The following PLXDC2 variants were observed in gnomAD, a reference collection of about 807,000 sequenced individuals.
PLXDC2 encodes plexin domain-containing protein 2.
In PLXDC2, 40 loss-of-function variants were observed where a neutral mutation model predicts 68.9. That is an observed-to-expected ratio of 0.58 (90% CI 0.45 to 0.76). The LOEUF (loss-of-function observed/expected upper bound fraction) is 0.76, where lower values mean the gene tolerates loss of function less well. Among genes scored for constraint, PLXDC2 ranks in the 30% least tolerant of loss-of-function variants. PLXDC2 has a pLI of 0.00. For missense variants in PLXDC2, 644 were observed against 661.9 expected, an observed-to-expected ratio of 0.97 and a Z score of 0.30; for synonymous variants, 243 against 234.2, an observed-to-expected ratio of 1.04 and a Z score of -0.34.
At chr10:20,058,698 C>G (rs969915479) in intron 3 of PLXDC2, among the ~76,000 whole-genome samples, 6 of 152,248 alleles carry the variant, frequency 3.9e-5, no homozygotes, top group African/African-American at 1.4e-4. Flanking sequence ...ACGATAAACA[C>G]AAAATATTTT....
At chr10:20,002,184 G>A (rs768654) in intron 2 of PLXDC2, among the ~76,000 whole-genome samples, 198 bp downstream of exon 2, 34,945 of 151,764 alleles carry the variant, frequency 0.23, 4,801 homozygotes, top group Non-Finnish European at 0.33. Context: ...GACAAACACA[G>A]GCTTGGTGTG....
At chr10:19,861,083 G>A (rs895670820) in intron 1 of PLXDC2, among the ~76,000 whole-genome samples, 24 of 150,938 alleles carry the variant, frequency 1.6e-4, no homozygotes, top group African/African-American at 5.4e-4. Flanking sequence ...CTCTCAGGCT[G>A]GAGTACAGTG....
At position 19,816,999 on chromosome 10, in the gene PLXDC2, C is replaced by T. The variant is rs1053445539; in HGVS notation, c.-81C>T. 5.8e-6 allele frequency: 6 copies of T among 1,042,368 alleles called. No individual in the cohort carries two copies. The highest frequency in any genetic ancestry group is 8.6e-6 in the Non-Finnish European group (6 of 701,604). The allele number at this position is 1,042,368 out of a possible 1,614,324, so 64.6% of individuals were successfully genotyped here. ...ACCGAGACCGATCCGCAGCGTTTGG[C>T]CCGGTCGTGCCTATTGCATCGGGAG... On this transcript the variant is annotated 5_prime_UTR_variant, in exon 1 of 14. Coordinates refer to ENST00000377252, the MANE Select transcript of PLXDC2 (RefSeq NM_032812.9).
intron 1 of PLXDC2, among the ~76,000 whole-genome samples, chr10:19,891,667 G>A (rs73601627): frequency 0.057 from 8,742 of 152,162 alleles, 529 homozygotes; most frequent in African/African-American, 0.15. Context: ...TTGGGAGGTC[G>A]GTAACCTCTG....
At chr10:19,915,318 A>T (rs11011671) in intron 1 of PLXDC2, among the ~76,000 whole-genome samples, 3 of 151,970 alleles carry the variant, frequency 2.0e-5, no homozygotes, top group African/African-American at 7.2e-5. Context: ...TCTAGAGATG[A>T]TGCAATACAT....
intron 4 of PLXDC2, among the ~76,000 whole-genome samples, chr10:20,095,352 C>T (rs891443274): frequency 2.0e-5 from 3 of 152,012 alleles, no homozygotes. Context: ...CAGAGGGATT[C>T]ATGTTTCTAG....
chr10:19,830,955 A>T (rs1836678622), intron 1 of PLXDC2, among the ~76,000 whole-genome samples: 1 of 151,802 alleles, frequency 6.6e-6, no homozygotes, highest in South Asian at 2.1e-4. Context: ...CTTCCCACTA[A>T]ATTGTAAGCT....
intron 13 of PLXDC2, among the ~76,000 whole-genome samples, chr10:20,257,330 C>CA (rs1409256477): frequency 2.6e-5 from 4 of 152,140 alleles, no homozygotes; most frequent in Non-Finnish European, 5.9e-5. Flanking sequence ...TCTGATTCCA[C>CA]AGTATTGTAT....
rs945262253 is a variant in PLXDC2 at position 20,113,105 on chromosome 10, C to T, written c.542-30190C>T. ...AATGGAGAATACTGATCAGAGGAAT[C>T]GGATTCTTTTCCCAGATCTCCAGAC... On this transcript the variant is annotated intron_variant, in intron 4 of 13. Transcript: ENST00000377252. 4.6e-5 allele frequency among the ~76,000 whole-genome samples: 7 copies of T among 152,286 alleles called. No homozygotes were observed. The South Asian group carries it at 6.2e-4, about 14-fold the overall frequency.
At chr10:19,885,324 G>T (rs1837822194) in intron 1 of PLXDC2, among the ~76,000 whole-genome samples, 2 of 150,228 alleles carry the variant, frequency 1.3e-5, no homozygotes, top group Non-Finnish European at 3.0e-5. Flanking sequence ...TCTGATGGTA[G>T]TTTCTTTTGC....
intron 13 of PLXDC2, among the ~76,000 whole-genome samples, chr10:20,257,388 G>A (rs1430463684): frequency 2.6e-5 from 4 of 152,126 alleles, no homozygotes; most frequent in Non-Finnish European, 5.9e-5. Context: ...GAAGGCATGT[G>A]TGTGCATACT....
chr10:20,205,235 G>T (rs908136474), intron 9 of PLXDC2, among the ~76,000 whole-genome samples: 3 of 152,020 alleles, frequency 2.0e-5, no homozygotes, highest in Non-Finnish European at 4.4e-5. Flanking sequence ...TTCCCTGGGG[G>T]CTTTGAAATC....
At chr10:19,985,561 A>G (rs1834621766) in intron 1 of PLXDC2, among the ~76,000 whole-genome samples, 1 of 152,142 alleles carries the variant, frequency 6.6e-6, no homozygotes, top group African/African-American at 2.4e-5. Flanking sequence ...ATTTTTACTC[A>G]CCTGTCAGCC....
At chr10:20,224,479 T>A in intron 12 of PLXDC2, among the ~76,000 whole-genome samples, 1 of 152,228 alleles carries the variant, frequency 6.6e-6, no homozygotes, top group Non-Finnish European at 1.5e-5. Flanking sequence ...TCTTTGACAT[T>A]TGATTAGGTT....
At chr10:20,058,983 CAG>C (rs1836051702) in intron 3 of PLXDC2, among the ~76,000 whole-genome samples, 1 of 152,204 alleles carries the variant, frequency 6.6e-6, no homozygotes, top group Admixed American at 6.5e-5. Context: ...ACTTATATAA[CAG>C]AGCTTTGTTA....
chr10:20,197,494 A>G (rs1834855637), intron 9 of PLXDC2, among the ~76,000 whole-genome samples: 1 of 151,826 alleles, frequency 6.6e-6, no homozygotes, highest in African/African-American at 2.4e-5. Flanking sequence ...AGTAGCTGGG[A>G]CTACAGGCAT....
intron 9 of PLXDC2, among the ~76,000 whole-genome samples, chr10:20,184,788 A>C (rs1042338207): frequency 1.3e-5 from 2 of 151,890 alleles, no homozygotes; most frequent in Admixed American, 1.3e-4. Flanking sequence ...TGCCCCTTTA[A>C]GTGGGTATAT....
At chr10:19,877,028 T>C (rs1459911781) in intron 1 of PLXDC2, among the ~76,000 whole-genome samples, 5 of 152,212 alleles carry the variant, frequency 3.3e-5, no homozygotes, top group Non-Finnish European at 7.3e-5. Flanking sequence ...GAAAATTCAA[T>C]TAAAGATTTG....
chr10:20,129,940 G>C (rs1374941590), intron 4 of PLXDC2, among the ~76,000 whole-genome samples: 1 of 152,084 alleles, frequency 6.6e-6, no homozygotes, highest in Non-Finnish European at 1.5e-5. Context: ...AAATCAGGTA[G>C]TGTGATGCCT....
Sources: gnomAD v4.1 joint callset for allele counts (sites outside exome capture counted in the v4.1 genomes callset) on GRCh38, gnomAD v4.1.1 for gene constraint, MANE v1.5 for transcripts, NCBI Gene and HGNC (gene_info 2026-07-23, HGNC 2026-07-21) for gene names.